SMARCC1: variants seen among roughly 807,000 people sequenced by gnomAD.
SMARCC1 encodes the protein SWI/SNF related BAF chromatin remodeling complex subunit C1, also known as SWI/SNF complex subunit SMARCC1.
Under a neutral mutation model 147.4 loss-of-function variants are expected in SMARCC1, and 43 were observed. The ratio of observed to expected loss-of-function variants is 0.29; its 90% CI spans 0.23 to 0.38. The LOEUF (loss-of-function observed/expected upper bound fraction) is 0.38. SMARCC1 is among the 10% of genes least tolerant of loss of function. The pLI is 1.00. For missense variants in SMARCC1, 1,119 were observed against 1,381.1 expected (o/e 0.81, Z 3.01); for synonymous variants, 495 against 484.4 (o/e 1.02, Z -0.29).
chr3:47,592,822 G>T (rs936246011), intron 26 of SMARCC1, among the ~76,000 whole-genome samples: 12 of 136,546 alleles, frequency 8.8e-5, no homozygotes, highest in Non-Finnish European at 1.4e-4. Context: ...TGGTAGTCTT[G>T]TTTTTTTTTT....
At chr3:47,763,634 G>A (rs552309619) in intron 2 of SMARCC1, among the ~76,000 whole-genome samples, 2 of 151,622 alleles carry the variant, frequency 1.3e-5, no homozygotes, top group East Asian at 3.9e-4. Context: ...ACAGTGCCCA[G>A]CTGAGATTTT....
At chr3:47,781,326 C>CGCTT (rs564970257) in intron 1 of SMARCC1, among the ~76,000 whole-genome samples, 2 of 152,328 alleles carry the variant, frequency 1.3e-5, no homozygotes, top group South Asian at 4.1e-4. Flanking sequence ...GAGTCACACT[C>CGCTT]GCTTAGTGGC....
At chr3:47,741,931 T>C (rs557418805) in intron 3 of SMARCC1, among the ~76,000 whole-genome samples, 3 of 152,002 alleles carry the variant, frequency 2.0e-5, no homozygotes, top group African/African-American at 7.2e-5. Context: ...TAGACCATCC[T>C]GTGGGGATGG....
In SMARCC1 at chr3:47,681,303, A is replaced by G. The variant is rs2033641125; in HGVS notation, c.1386-795T>C. 2.6e-5 allele frequency among the ~76,000 whole-genome samples: 4 copies of G among 152,188 alleles called. No individual in the cohort carries two copies. The South Asian group carries it at 8.3e-4, about 32-fold the overall frequency. On this transcript the variant is annotated intron_variant, in intron 14 of 27. Transcript: ENST00000254480. ...CCCTCAGAAACACTGTGATAAATTA[A>G]TAACTTTTTAGTTTTTATTTTTGGT...
chr3:47,712,783 C>T (rs1272392497), intron 8 of SMARCC1, among the ~76,000 whole-genome samples: 2 of 152,114 alleles, frequency 1.3e-5, no homozygotes, highest in African/African-American at 2.4e-5. Context: ...CAAAATAATA[C>T]AAAAGTCCAT....
In SMARCC1 at chr3:47,626,471, AAAAG is replaced by A. The variant is rs1553675916; in HGVS notation, c.2647-4134_2647-4131del. Among the ~76,000 whole-genome samples the A allele has an allele frequency of 1.7e-4, 26 of 150,172 alleles. No homozygotes were observed. In the East Asian group the frequency reaches 1.9e-3, roughly 11 times the overall value. ...AGACCCTGTCTTTAAAAAAAAAAAA[AAAAG>A]AAAGAAAGAAAGAAAAAAAAAGGAA... On this transcript the variant is annotated intron_variant, in intron 24 of 27. Transcript: ENST00000254480.
chr3:47,739,962 C>T (rs765328587), intron 3 of SMARCC1, among the ~76,000 whole-genome samples: 1 of 151,914 alleles, frequency 6.6e-6, no homozygotes, highest in Middle Eastern at 3.2e-3. Flanking sequence ...CCACAACCTC[C>T]GCTTCCTGGA....
chr3:47,662,685 T>A, intron 19 of SMARCC1, 93 bp from the exon 20 acceptor site: 1 of 985,292 alleles, frequency 1.0e-6, no homozygotes, highest in Non-Finnish European at 1.5e-6. Context: ...TAAAAAAAAT[T>A]AATGCAAATA....
chr3:47,774,578 C>T (rs997595298), intron 1 of SMARCC1, among the ~76,000 whole-genome samples: 2 of 151,714 alleles, frequency 1.3e-5, no homozygotes, highest in Admixed American at 1.3e-4. Flanking sequence ...CCACCATTCC[C>T]GGCTAATTTT....
chr3:47,771,030 C>T (rs2034907821), intron 2 of SMARCC1, among the ~76,000 whole-genome samples: 1 of 152,134 alleles, frequency 6.6e-6, no homozygotes, highest in African/African-American at 2.4e-5. Context: ...CCTGCCTCAG[C>T]CTCCCAAGGA....
rs548813520 is a variant in SMARCC1 at position 47,706,368 on chromosome 3, G to C, written c.1040+41C>G. ...ATTATAAGTGTAAGCCACCACGTCC[G>C]GCCTGTTTTAATGCCCTTTGAATCA... On this transcript the variant is annotated intron_variant, in intron 10 of 27. Coordinates refer to ENST00000254480, the MANE Select transcript of SMARCC1 (RefSeq NM_003074.4). The C allele has an allele frequency of 2.1e-6, 3 of 1,463,238 alleles. No homozygotes were observed. The African/African-American group carries it at 4.4e-5, about 21-fold the overall frequency. 90.6% of individuals were successfully genotyped at this position (1,463,238 alleles called of 1,614,324 possible).
At chr3:47,645,298 A>C (rs2033104995) in intron 21 of SMARCC1, among the ~76,000 whole-genome samples, 1 of 138,494 alleles carries the variant, frequency 7.2e-6, no homozygotes, top group East Asian at 2.1e-4. Flanking sequence ...CCCCCCCACC[A>C]AAAAAAAAAA....
At chr3:47,639,859 C>A (rs1158774434) in intron 21 of SMARCC1, among the ~76,000 whole-genome samples, 1 of 152,074 alleles carries the variant, frequency 6.6e-6, no homozygotes, top group African/African-American at 2.4e-5. Context: ...CAGATATGAA[C>A]ACAGAAAGAT....
intron 3 of SMARCC1, 112 bp downstream of exon 3, chr3:47,745,796 T>C: frequency 1.8e-6 from 1 of 569,384 alleles, no homozygotes; most frequent in South Asian, 3.6e-5. Flanking sequence ...ATTAGGGCTC[T>C]TGGTAAAACA....
intron 26 of SMARCC1, among the ~76,000 whole-genome samples, chr3:47,605,800 A>G (rs1325023221): frequency 6.6e-6 from 1 of 152,166 alleles, no homozygotes; most frequent in Non-Finnish European, 1.5e-5. Context: ...CAAGGAAAGC[A>G]GCCAGACATA....
chr3:47,627,272 A>T (rs1485202872), intron 24 of SMARCC1, among the ~76,000 whole-genome samples: 1 of 151,772 alleles, frequency 6.6e-6, no homozygotes, highest in Non-Finnish European at 1.5e-5. Context: ...GAAGAAATAG[A>T]TCTTTATTAT....
At chr3:47,687,777 T>TA (rs970623049) in intron 13 of SMARCC1, among the ~76,000 whole-genome samples, 3 of 152,170 alleles carry the variant, frequency 2.0e-5, no homozygotes, top group South Asian at 2.1e-4. Flanking sequence ...CACTTTTTAT[T>TA]AAAAAAAGAG....
chr3:47,651,567 C>A (rs1206102811), intron 21 of SMARCC1, among the ~76,000 whole-genome samples: 1 of 152,206 alleles, frequency 6.6e-6, no homozygotes, highest in African/African-American at 2.4e-5. Context: ...TGGATGCCTA[C>A]ATAGCAGTCT....
chr3:47,683,087 G>A (rs761400238), intron 14 of SMARCC1, among the ~76,000 whole-genome samples: 1 of 152,232 alleles, frequency 6.6e-6, no homozygotes, highest in Non-Finnish European at 1.5e-5. Context: ...CTGTCGCCCA[G>A]GCTGGAGTGC....
Sources: gnomAD v4.1 joint callset for allele counts (sites outside exome capture counted in the v4.1 genomes callset) on GRCh38, gnomAD v4.1.1 for gene constraint, MANE v1.5 for transcripts, NCBI Gene and HGNC (gene_info 2026-07-23, HGNC 2026-07-21) for gene names.